The following EDA variants were observed in gnomAD, a reference collection of about 807,000 sequenced individuals.
The protein encoded by EDA is ectodysplasin-A.
EDA carries 2 observed loss-of-function variants against 23.6 expected under a neutral mutation model. The ratio of observed to expected loss-of-function variants is 0.08; its 90% CI spans 0.03 to 0.27. The LOEUF (loss-of-function observed/expected upper bound fraction) is 0.27. Ranked by LOEUF, EDA falls within the 10% of genes least tolerant of loss-of-function variation. The pLI is 1.00. For synonymous variants in EDA, 131 were observed against 132.0 expected (o/e 0.99, Z 0.05); for missense variants, 229 against 324.2 (o/e 0.71, Z 2.26).
At chrX:70,030,657 C>A in intron 6 of EDA, 137 bp downstream of exon 6, 1 of 588,945 alleles carries the variant, frequency 1.7e-6, no homozygotes, top group South Asian at 2.5e-5. Context: ...TTTGCTCCAT[C>A]ATGCCCTCTA....
chrX:70,012,279 C>T (rs1174372493), intron 2 of EDA, among the ~76,000 whole-genome samples: 1 of 112,051 alleles, frequency 8.9e-6, no homozygotes, highest in African/African-American at 3.2e-5. Flanking sequence ...GGTTCTGAAG[C>T]ATATAGAGAA....
At chrX:70,012,362 G>A (rs922864048) in intron 2 of EDA, among the ~76,000 whole-genome samples, 4 of 111,986 alleles carry the variant, frequency 3.6e-5, no homozygotes, top group East Asian at 5.6e-4. Context: ...CAAGATGCTC[G>A]CGTCTAGTAT....
At chrX:69,773,418 C>T (rs1011173133) in intron 1 of EDA, among the ~76,000 whole-genome samples, 7 of 111,506 alleles carry the variant, frequency 6.3e-5, no homozygotes, top group African/African-American at 2.0e-4. Context: ...ATTCTTTTGG[C>T]GATATACCTA....
intron 1 of EDA, among the ~76,000 whole-genome samples, chrX:69,910,372 A>AGTGTGTGT (rs1488519660): frequency 1.2e-4 from 6 of 51,454 alleles, no homozygotes; most frequent in African/African-American, 4.4e-4. Context: ...AGAGAGAGAG[A>AGTGTGTGT]GAGTGTGTGT....
At position 69,688,763 on chromosome X, in the gene EDA, G is replaced by A. The variant is rs149006487; in HGVS notation, c.396+72059G>A. On this transcript the variant is annotated intron_variant, in intron 1 of 7. Coordinates refer to ENST00000374552, the MANE Select transcript of EDA (RefSeq NM_001399.5). ...AGGATCCAGGAGGAGGGATTGAAGA[G>A]GAGGATAATGAGGTGGTGACAAAGG... Among the ~76,000 whole-genome samples the A allele has an allele frequency of 2.2e-3, 243 of 111,759 alleles. 1 individual carries two copies. Among genetic ancestry groups the A allele is most frequent in the African/African-American group, 5.0e-3 (155 of 30,755 alleles).
intron 1 of EDA, among the ~76,000 whole-genome samples, chrX:69,638,587 C>G (rs762731856): frequency 9.0e-6 from 1 of 111,665 alleles, no homozygotes; most frequent in South Asian, 3.7e-4. Flanking sequence ...GCCAAGAGCT[C>G]TGAATGCTTT....
At chrX:70,014,988 A>G (rs181524350) in intron 2 of EDA, among the ~76,000 whole-genome samples, 2 of 112,068 alleles carry the variant, frequency 1.8e-5, no homozygotes, top group East Asian at 2.8e-4. Context: ...AACTTGGAAA[A>G]CCTACTTGAG....
At chrX:70,001,522 T>A (rs1446002725) in intron 2 of EDA, among the ~76,000 whole-genome samples, 1 of 111,816 alleles carries the variant, frequency 8.9e-6, no homozygotes, top group Non-Finnish European at 1.9e-5. Context: ...AGCCCATTGA[T>A]GGGGTTAATC....
intron 1 of EDA, among the ~76,000 whole-genome samples, chrX:69,776,763 A>T (rs896515564): frequency 3.6e-5 from 4 of 111,062 alleles, no homozygotes; most frequent in Non-Finnish European, 7.6e-5. Flanking sequence ...ATACTAGTTG[A>T]CCCTCTGAAA....
At chrX:69,735,805 A>G (rs1464512653) in intron 1 of EDA, among the ~76,000 whole-genome samples, 2 of 111,832 alleles carry the variant, frequency 1.8e-5, no homozygotes, top group Non-Finnish European at 3.8e-5. Context: ...TTCCACAACT[A>G]GGGCTTTTGG....
intron 1 of EDA, among the ~76,000 whole-genome samples, chrX:69,936,133 C>CA (rs1243445070): frequency 9.2e-6 from 1 of 108,452 alleles, no homozygotes; most frequent in African/African-American, 3.3e-5. Context: ...TAATTTGGTA[C>CA]AAAATATACC....
chrX:70,018,766 C>A (rs1209351481), intron 2 of EDA, among the ~76,000 whole-genome samples: 1 of 111,372 alleles, frequency 9.0e-6, no homozygotes, highest in Non-Finnish European at 1.9e-5. Context: ...CCATTCTAGA[C>A]ATAGACCCTG....
intron 1 of EDA, among the ~76,000 whole-genome samples, chrX:69,621,854 C>T: frequency 9.0e-6 from 1 of 111,401 alleles, no homozygotes; most frequent in East Asian, 2.8e-4. Flanking sequence ...GATCTTCCAA[C>T]CTCAGCTTTT....
intron 1 of EDA, among the ~76,000 whole-genome samples, chrX:69,788,365 G>A (rs1012878047): frequency 1.2e-4 from 14 of 112,033 alleles, no homozygotes; most frequent in Non-Finnish European, 1.7e-4. Context: ...GAGGAGAGGC[G>A]CTGTGCTTTT....
intron 2 of EDA, among the ~76,000 whole-genome samples, chrX:69,975,025 A>G (rs1158315790): frequency 8.9e-6 from 1 of 112,135 alleles, no homozygotes; most frequent in Non-Finnish European, 1.9e-5. Flanking sequence ...GGGAATGTAA[A>G]CTAGTTCAAC....
chrX:69,714,660 T>C (rs1375053985), intron 1 of EDA, among the ~76,000 whole-genome samples: 1 of 112,047 alleles, frequency 8.9e-6, no homozygotes, highest in Non-Finnish European at 1.9e-5. Context: ...AAGGCTATGC[T>C]TCCTCCATTG....
intron 1 of EDA, among the ~76,000 whole-genome samples, chrX:69,786,979 A>T (rs1187536717): frequency 9.9e-6 from 1 of 101,357 alleles, no homozygotes; most frequent in African/African-American, 3.4e-5. Flanking sequence ...GTGCTCCTGT[A>T]TTGGGTGCAT....
chrX:69,869,809 C>T (rs930751035), intron 1 of EDA, among the ~76,000 whole-genome samples: 14 of 111,975 alleles, frequency 1.3e-4, no homozygotes, highest in African/African-American at 4.5e-4. Context: ...GTCACGTGGC[C>T]GCTGCCACCT....
chrX:69,633,503 T>A (rs1348309795), intron 1 of EDA, among the ~76,000 whole-genome samples: 1 of 111,904 alleles, frequency 8.9e-6, no homozygotes, highest in Non-Finnish European at 1.9e-5. Flanking sequence ...CCATTAGCAG[T>A]CATTCCCCAA....
Sources: allele counts gnomAD v4.1 joint callset (sites outside exome capture counted in the v4.1 genomes callset), GRCh38; gene constraint gnomAD v4.1.1; transcripts MANE v1.5; gene names NCBI Gene and HGNC (gene_info 2026-07-23, HGNC 2026-07-21).